The following ADAM32 variants were observed in gnomAD, a reference collection of about 807,000 sequenced individuals.
ADAM32 encodes disintegrin and metalloproteinase domain-containing protein 32.
A neutral mutation model predicts 114.9 loss-of-function variants in ADAM32; 89 were observed. The observed-to-expected ratio is 0.77, with a 90% confidence interval of 0.65 to 0.92. The LOEUF is 0.92. Among genes scored for constraint, ADAM32 ranks in the 40% least tolerant of loss-of-function variants. The pLI, the probability that ADAM32 is intolerant of heterozygous loss-of-function variation, is 0.00. For synonymous variants in ADAM32, 285 were observed against 307.5 expected, an observed-to-expected ratio of 0.93 and a Z score of 0.77; for missense variants, 870 against 932.8, an observed-to-expected ratio of 0.93 and a Z score of 0.88.
At chr8:39,281,528 T>G (rs1585718178) in intron 23 of ADAM32, among the ~76,000 whole-genome samples, 1 of 152,336 alleles carries the variant, frequency 6.6e-6, no homozygotes, top group East Asian at 1.9e-4. Flanking sequence ...TAGTACTTTT[T>G]CAGGTTGCAT....
At chr8:39,280,098 G>A (rs1477427420) in intron 22 of ADAM32, among the ~76,000 whole-genome samples, 2 of 152,152 alleles carry the variant, frequency 1.3e-5, no homozygotes, top group Non-Finnish European at 2.9e-5. Context: ...AAGTGCAGTG[G>A]TCATAGCTTT....
chr8:39,194,604 C>T (rs752234432), intron 11 of ADAM32, among the ~76,000 whole-genome samples: 1 of 152,098 alleles, frequency 6.6e-6, no homozygotes, highest in Non-Finnish European at 1.5e-5. Flanking sequence ...ATGCAGTCCA[C>T]CAGTGCAGGA....
intron 23 of ADAM32, among the ~76,000 whole-genome samples, chr8:39,281,812 T>G (rs1813437391): frequency 6.6e-6 from 1 of 152,216 alleles, no homozygotes; most frequent in African/African-American, 2.4e-5. Context: ...TTTCATTTTC[T>G]TATATTGCCT....
At chr8:39,112,629 A>AATG (rs71218307) in intron 1 of ADAM32, among the ~76,000 whole-genome samples, 41,486 of 152,068 alleles carry the variant, frequency 0.27, 5,714 homozygotes, top group South Asian at 0.32. Context: ...CCAAATGGAT[A>AATG]AATACTGATA....
intron 3 of ADAM32, among the ~76,000 whole-genome samples, 189 bp downstream of exon 3, chr8:39,136,907 G>T (rs577477202): frequency 6.6e-6 from 1 of 152,268 alleles, no homozygotes; most frequent in South Asian, 2.1e-4. Context: ...TGGTAAATGG[G>T]AGTTAGGACA....
chr8:39,251,700 G>C (rs4585713), intron 17 of ADAM32, among the ~76,000 whole-genome samples: 32,785 of 151,706 alleles, frequency 0.22, 3,808 homozygotes, highest in East Asian at 0.29. Flanking sequence ...TTCTTTTGCT[G>C]TGTAGAAGCT....
At chr8:39,248,636 G>A (rs2129450191) in intron 17 of ADAM32, among the ~76,000 whole-genome samples, 1 of 152,154 alleles carries the variant, frequency 6.6e-6, no homozygotes, top group East Asian at 1.9e-4. Flanking sequence ...TATGAACAAA[G>A]ACAGTTTTAT....
chr8:39,111,781 C>T (rs6474106), intron 1 of ADAM32, among the ~76,000 whole-genome samples: 133,512 of 148,580 alleles, frequency 0.9, 60,702 homozygotes, highest in South Asian at 0.99. Context: ...AGCTGACATC[C>T]GATGGAGTGG....
intron 3 of ADAM32, among the ~76,000 whole-genome samples, chr8:39,138,437 C>T (rs1466844659): frequency 2.6e-5 from 4 of 151,898 alleles, no homozygotes; most frequent in Non-Finnish European, 4.4e-5. Flanking sequence ...GGTTTTCTGT[C>T]CTTGTGACAG....
intron 16 of ADAM32, among the ~76,000 whole-genome samples, chr8:39,236,395 G>C (rs1810148669): frequency 6.6e-6 from 1 of 151,894 alleles, no homozygotes; most frequent in African/African-American, 2.4e-5. Flanking sequence ...AATGAAAAGT[G>C]GTTCTTTGAT....
At chr8:39,242,466 C>T (rs1810627099) in intron 16 of ADAM32, among the ~76,000 whole-genome samples, 1 of 152,200 alleles carries the variant, frequency 6.6e-6, no homozygotes, top group East Asian at 1.9e-4. Flanking sequence ...CTTACAGTTC[C>T]ACATGGCTGG....
chr8:39,225,789 T>C lies in ADAM32; in HGVS notation c.1525+2551T>C, dbSNP rs74548500. Among the ~76,000 whole-genome samples the C allele has an allele frequency of 7.8e-3, 198 of 25,336 alleles. 1 individual carries two copies. The highest frequency in any genetic ancestry group is 0.011 in the African/African-American group (182 of 16,828). The allele number at this position is 25,336 out of a possible 152,430, so 16.6% of individuals were successfully genotyped here. A position where few individuals can be genotyped will look rare whatever the true frequency, so the allele number is the denominator to read the frequency against. Reference sequence around the variant, plus strand: ...CCTTTTTCCCACCCATGGAGTAAGATTTTTTTTTTTAAATCAGTGAAAGCA... The same window carrying C: ...CCTTTTTCCCACCCATGGAGTAAGACTTTTTTTTTTAAATCAGTGAAAGCA... On this transcript the variant is annotated intron_variant, in intron 14 of 24. Coordinates refer to ENST00000379907, the MANE Select transcript of ADAM32 (RefSeq NM_145004.7).
At chr8:39,123,880 T>A (rs1801940884) in intron 2 of ADAM32, among the ~76,000 whole-genome samples, 2 of 152,072 alleles carry the variant, frequency 1.3e-5, no homozygotes, top group African/African-American at 4.8e-5. Context: ...CTAATTTTTG[T>A]ATTTTTAGTA....
chr8:39,232,295 T>C (rs1273018277), intron 15 of ADAM32, among the ~76,000 whole-genome samples, 160 bp downstream of exon 15: 1 of 152,196 alleles, frequency 6.6e-6, no homozygotes, highest in Non-Finnish European at 1.5e-5. Flanking sequence ...TCTTTTGTGC[T>C]GCAGGCTAAA....
intron 6 of ADAM32, among the ~76,000 whole-genome samples, chr8:39,154,550 T>C (rs548240823): frequency 1.7e-4 from 26 of 152,346 alleles, no homozygotes; most frequent in African/African-American, 5.5e-4. Context: ...TTTGGGTATA[T>C]ACCCAGGAAT....
intron 22 of ADAM32, among the ~76,000 whole-genome samples, chr8:39,278,808 G>T (rs1049922877): frequency 3.3e-5 from 5 of 151,946 alleles, no homozygotes; most frequent in African/African-American, 4.8e-5. Flanking sequence ...TTTCAGTTTA[G>T]TGATTCTGTA....
chr8:39,208,217 C>G (rs1438238848), intron 11 of ADAM32, among the ~76,000 whole-genome samples: 1 of 152,070 alleles, frequency 6.6e-6, no homozygotes, highest in Non-Finnish European at 1.5e-5. Flanking sequence ...TTATCCTCAT[C>G]TTTTATAGTG....
intron 19 of ADAM32, 120 bp downstream of exon 19, chr8:39,257,463 C>A: frequency 1.7e-6 from 2 of 1,173,694 alleles, no homozygotes; most frequent in South Asian, 2.0e-5. Flanking sequence ...AGTATTACAT[C>A]AATATGTCAT....
intron 11 of ADAM32, among the ~76,000 whole-genome samples, chr8:39,193,605 TG>T (rs765630654): frequency 9.2e-5 from 14 of 152,238 alleles, no homozygotes; most frequent in Non-Finnish European, 1.3e-4. Flanking sequence ...GTTCTTCCGC[TG>T]GTTCTTTCTC....
Sources: allele counts gnomAD v4.1 joint callset (sites outside exome capture counted in the v4.1 genomes callset), GRCh38; gene constraint gnomAD v4.1.1; transcripts MANE v1.5; gene names NCBI Gene and HGNC (gene_info 2026-07-23, HGNC 2026-07-21).